Variants in PKP4 observed in about 807,000 individuals in gnomAD.
The protein encoded by PKP4 is plakophilin-4.
In PKP4, 90 loss-of-function variants were observed where a neutral mutation model predicts 145.1. The observed-to-expected ratio is 0.62, with a 90% CI of 0.52 to 0.74. PKP4 has a LOEUF of 0.74. Among genes scored for constraint, PKP4 ranks in the 30% least tolerant of loss-of-function variants. The pLI is 0.00. For missense variants in PKP4, 1,340 were observed against 1,482.7 expected (o/e 0.90, Z 1.58); for synonymous variants, 563 against 577.2 (o/e 0.98, Z 0.35).
chr2:158,529,033 A>ATC (rs1471680218), intron 1 of PKP4, among the ~76,000 whole-genome samples: 2 of 152,206 alleles, frequency 1.3e-5, no homozygotes, highest in East Asian at 3.9e-4. Flanking sequence ...ACAGTGCAGC[A>ATC]TCTCTTCTAC....
At chr2:158,590,360 T>TGTGTGTGTGTTG (rs1553453743) in intron 3 of PKP4, among the ~76,000 whole-genome samples, 2 of 142,366 alleles carry the variant, frequency 1.4e-5, no homozygotes, top group Non-Finnish European at 1.6e-5. Flanking sequence ...TGTGTGTGTA[T>TGTGTGTGTGTTG]TGTGTATTTC....
intron 1 of PKP4, among the ~76,000 whole-genome samples, chr2:158,489,899 T>C (rs537449879): frequency 1.3e-5 from 2 of 152,266 alleles, no homozygotes; most frequent in Admixed American, 1.3e-4. Context: ...CTAGTGCTAA[T>C]GAGCTTCAAA....
chr2:158,493,089 C>G (rs1440296861), intron 1 of PKP4, among the ~76,000 whole-genome samples: 1 of 152,024 alleles, frequency 6.6e-6, no homozygotes, highest in Non-Finnish European at 1.5e-5. Context: ...TATATACTTT[C>G]AGTTACTTTG....
At chr2:158,462,535 A>G (rs1689928798) in intron 1 of PKP4, among the ~76,000 whole-genome samples, 2 of 152,212 alleles carry the variant, frequency 1.3e-5, no homozygotes, top group Admixed American at 6.5e-5. Context: ...TTTTAAAACA[A>G]TATCATTTTG....
chr2:158,676,370 T>C (rs2058007187), intron 19 of PKP4, among the ~76,000 whole-genome samples: 1 of 152,242 alleles, frequency 6.6e-6, no homozygotes, highest in Admixed American at 6.5e-5. Context: ...GTATAACTCT[T>C]GCATGGCTAG....
At chr2:158,627,769 A>G (rs1461418770) in intron 7 of PKP4, among the ~76,000 whole-genome samples, 1 of 151,426 alleles carries the variant, frequency 6.6e-6, no homozygotes, top group African/African-American at 2.4e-5. Context: ...TTCTAATGCC[A>G]TAAATATAAA....
At chr2:158,652,857 C>T (rs549371903) in intron 11 of PKP4, among the ~76,000 whole-genome samples, 1 of 152,256 alleles carries the variant, frequency 6.6e-6, no homozygotes, top group African/African-American at 2.4e-5. Context: ...GTTGAGTGTG[C>T]ACAAGACCTT....
chr2:158,567,192 G>T (rs1446536347), intron 2 of PKP4, among the ~76,000 whole-genome samples: 3 of 152,142 alleles, frequency 2.0e-5, no homozygotes, highest in Non-Finnish European at 4.4e-5. Flanking sequence ...TCTTTAAGAG[G>T]AGTCCTGTTT....
At chr2:158,602,540 A>G (rs2050314065) in intron 3 of PKP4, among the ~76,000 whole-genome samples, 1 of 152,160 alleles carries the variant, frequency 6.6e-6, no homozygotes, top group Admixed American at 6.5e-5. Context: ...TCTAATAACC[A>G]AGGAAAATAC....
intron 1 of PKP4, among the ~76,000 whole-genome samples, chr2:158,522,606 A>G (rs977828309): frequency 1.3e-5 from 2 of 152,210 alleles, no homozygotes; most frequent in Admixed American, 1.3e-4. Context: ...ATTTTAAAAA[A>G]AGAGACCTGG....
chr2:158,529,511 A>G (rs1411222402), intron 1 of PKP4, among the ~76,000 whole-genome samples: 1 of 152,194 alleles, frequency 6.6e-6, no homozygotes, highest in African/African-American at 2.4e-5. Flanking sequence ...CATCTCTTGA[A>G]TGGATACAGT....
At chr2:158,606,505 A>G (rs2050672468) in intron 4 of PKP4, among the ~76,000 whole-genome samples, 1 of 152,130 alleles carries the variant, frequency 6.6e-6, no homozygotes, top group Non-Finnish European at 1.5e-5. Context: ...TGTAAATATA[A>G]TTTTTCTCCT....
chr2:158,559,991 C>T (rs532139051), intron 2 of PKP4, among the ~76,000 whole-genome samples: 13 of 152,054 alleles, frequency 8.5e-5, no homozygotes, highest in Admixed American at 3.9e-4. Context: ...CTCAGCGTCC[C>T]GAGTAGCTGG....
intron 2 of PKP4, among the ~76,000 whole-genome samples, chr2:158,573,718 A>G (rs1478814073): frequency 6.6e-6 from 1 of 152,066 alleles, no homozygotes; most frequent in Non-Finnish European, 1.5e-5. Context: ...TACATGCAGA[A>G]TACTTGTCAG....
intron 12 of PKP4, chr2:158,658,531 C>T (rs1461607167): frequency 2.3e-6 from 1 of 436,744 alleles, no homozygotes; most frequent in Non-Finnish European, 4.0e-6. Context: ...TCTTCTGTGA[C>T]TTACTCAGAA....
intron 1 of PKP4, among the ~76,000 whole-genome samples, chr2:158,487,983 A>G (rs1422123789): frequency 2.0e-5 from 3 of 152,214 alleles, no homozygotes; most frequent in South Asian, 2.1e-4. Flanking sequence ...TCGTTTCTTC[A>G]GTTGTGGAAT....
At chr2:158,492,237 C>T (rs1267752560) in intron 1 of PKP4, among the ~76,000 whole-genome samples, 4 of 152,002 alleles carry the variant, frequency 2.6e-5, no homozygotes, top group Non-Finnish European at 1.5e-5. Context: ...TGAAACAAGG[C>T]ATCACAGGGA....
At chr2:158,506,400 C>T (rs2040979584) in intron 1 of PKP4, among the ~76,000 whole-genome samples, 1 of 152,192 alleles carries the variant, frequency 6.6e-6, no homozygotes, top group Non-Finnish European at 1.5e-5. Flanking sequence ...TGGCAGACAG[C>T]TCAGTTAGAC....
At chr2:158,564,470 T>C (rs538348572) in intron 2 of PKP4, among the ~76,000 whole-genome samples, 2 of 152,202 alleles carry the variant, frequency 1.3e-5, no homozygotes, top group Admixed American at 6.5e-5. Context: ...TACTGTTTAA[T>C]ATATACCATT....
Sources: gnomAD v4.1 joint callset for allele counts (sites outside exome capture counted in the v4.1 genomes callset) on GRCh38, gnomAD v4.1.1 for gene constraint, MANE v1.5 for transcripts, NCBI Gene and HGNC (gene_info 2026-07-23, HGNC 2026-07-21) for gene names.